MTIF2: variants seen among roughly 807,000 people sequenced by gnomAD.
The protein encoded by MTIF2 is mitochondrial translational initiation factor 2, also known as translation initiation factor IF-2, mitochondrial.
MTIF2 carries 71 observed loss-of-function variants against 83.5 expected under a neutral mutation model. That is an observed-to-expected ratio of 0.85 (90% CI 0.70 to 1.04). The LOEUF (loss-of-function observed/expected upper bound fraction) is 1.04, where lower values mean the gene tolerates loss of function less well. Ranked by LOEUF, MTIF2 falls within the 50% of genes least tolerant of loss-of-function variation. The pLI is 0.00. For missense variants in MTIF2, 957 were observed against 846.5 expected, an observed-to-expected ratio of 1.13 and a Z score of -1.62; for synonymous variants, 319 against 287.1, an observed-to-expected ratio of 1.11 and a Z score of -1.12.
Position 55,243,088 on chromosome 2 carries a change from C to G in MTIF2, c.1565-8G>C. ...CAGAACCATCAACATCACCTAAATA[C>G]AGAAAAAGTTTATAATTGTTGCTTT... On this transcript the variant is annotated splice_polypyrimidine_tract_variant and splice_region_variant and intron_variant, in intron 12 of 15. Transcript: ENST00000263629. The G allele has an allele frequency of 1.3e-6, 2 of 1,581,358 alleles. No homozygotes were observed. The highest frequency in any genetic ancestry group is 1.7e-6 in the Non-Finnish European group (2 of 1,168,834).
At chr2:55,263,321 T>C (rs886420344) in intron 4 of MTIF2, among the ~76,000 whole-genome samples, 3 of 152,260 alleles carry the variant, frequency 2.0e-5, no homozygotes, top group African/African-American at 7.2e-5. Flanking sequence ...CACAAAGCTC[T>C]ATTGCTTGGA....
intron 4 of MTIF2, 104 bp from the exon 5 acceptor site, chr2:55,262,531 CTTTTTTTTTCTTTTTTTTTTT>C: frequency 3.0e-6 from 1 of 327,972 alleles, no homozygotes; most frequent in Non-Finnish European, 5.2e-6. Flanking sequence ...ACATTTCTTT[CTTTTTTTTTCTTTTTTTTTTT>C]TTTTTTTTGA....
chr2:55,238,362 GTACTAATTC>G (rs1418496197), intron 14 of MTIF2, among the ~76,000 whole-genome samples: 1 of 144,782 alleles, frequency 6.9e-6, no homozygotes, highest in Admixed American at 6.9e-5. Context: ...CTACTTAGAA[GTACTAATTC>G]TACTAATTCT....
intron 14 of MTIF2, among the ~76,000 whole-genome samples, chr2:55,238,393 T>TC (rs1676049121): frequency 6.7e-6 from 1 of 149,306 alleles, no homozygotes; most frequent in Non-Finnish European, 1.5e-5. Context: ...AGCCTGGTTT[T>TC]TTTTTTTTTT....
intron 3 of MTIF2, among the ~76,000 whole-genome samples, chr2:55,265,845 A>C (rs567363265): frequency 6.6e-6 from 1 of 152,310 alleles, no homozygotes; most frequent in African/African-American, 2.4e-5. Flanking sequence ...GTGGATCGAA[A>C]ATTTTTTTAA....
chr2:55,255,965 CTCCCAGGT>C lies in MTIF2; in HGVS notation c.332-1148_332-1141del, dbSNP rs1260123501. ...AATCTCGGCTAGCTGCAGCCTCTGC[CTCCCAGGT>C]TCAAACAATTCTTCTGCCTCAGCCC... On this transcript the variant is annotated intron_variant, in intron 5 of 15. Transcript: ENST00000263629. Among the ~76,000 whole-genome samples, 4 of 152,228 alleles carry C rather than the reference CTCCCAGGT, an allele frequency of 2.6e-5. No individual in the cohort carries two copies. The East Asian group carries it at 7.7e-4, about 29-fold the overall frequency.
chr2:55,247,468 A>G (rs1821832), intron 9 of MTIF2, among the ~76,000 whole-genome samples: 127,217 of 152,142 alleles, frequency 0.84, 53,342 homozygotes, highest in Non-Finnish European at 0.85. Context: ...CAGGAAAATC[A>G]CTTGAACCCA....
At chr2:55,252,167 G>A (rs1002851269) in intron 8 of MTIF2, among the ~76,000 whole-genome samples, 6 of 151,912 alleles carry the variant, frequency 3.9e-5, no homozygotes, top group Admixed American at 1.3e-4. Flanking sequence ...TGGATAGATC[G>A]AATTTCATTA....
chr2:55,263,550 C>A lies in MTIF2; in HGVS notation c.219+90G>T. ...GCTTAAACCCAAGAGGCGTAGGTTG[C>A]GGTGAGCTGAGATCGCGCCACGGCA... On this transcript the variant is annotated intron_variant, in intron 4 of 15. Coordinates refer to ENST00000263629, the MANE Select transcript of MTIF2 (RefSeq NM_002453.3). 9.4e-6 allele frequency: 9 copies of A among 961,278 alleles called. No individual in the cohort carries two copies. The South Asian group carries it at 1.5e-4, about 16-fold the overall frequency. The allele number at this position is 961,278 out of a possible 1,614,324, so 59.5% of individuals were successfully genotyped here.
At chr2:55,258,029 C>T (rs560069047) in intron 5 of MTIF2, among the ~76,000 whole-genome samples, 20 of 152,248 alleles carry the variant, frequency 1.3e-4, no homozygotes, top group Non-Finnish European at 2.1e-4. Flanking sequence ...TGGGCTCAAG[C>T]GATATGTTTG....
At chr2:55,261,001 T>C (rs1558579038) in intron 5 of MTIF2, among the ~76,000 whole-genome samples, 1 of 152,102 alleles carries the variant, frequency 6.6e-6, no homozygotes, top group Non-Finnish European at 1.5e-5. Flanking sequence ...TCTTTTTTTT[T>C]TTTAAGATGG....
intron 13 of MTIF2, among the ~76,000 whole-genome samples, chr2:55,240,510 C>T (rs535888808): frequency 6.6e-6 from 1 of 152,110 alleles, no homozygotes; most frequent in East Asian, 1.9e-4. Context: ...ACCCGGGAGG[C>T]GGAGGTTGCA....
intron 7 of MTIF2, 60 bp downstream of exon 7, chr2:55,253,981 T>C: frequency 6.5e-7 from 1 of 1,548,244 alleles, no homozygotes; most frequent in South Asian, 1.2e-5. Flanking sequence ...TACTATGACA[T>C]TTAGTTTAAG....
Position 55,246,416 on chromosome 2 carries a change from C to G in MTIF2, c.1027G>C (p.Glu343Gln). ...GGATCTGCTTTCAATTCTAACATTT[C>G]TGCAAGAGCAACTGTTGCTTCTGCC... ...ALAEATVALA[E>Q]MLELKADPNG... Residue 343 changes from glutamate to glutamine, a missense_variant, in exon 10 of 16, where the codon GAA becomes CAA. Around this residue, in one of 3 missense-constraint regions of MTIF2, gnomAD observed 733 missense variants for 648.7 expected, o/e 1.13. Coordinates refer to ENST00000263629, the MANE Select transcript of MTIF2 (RefSeq NM_002453.3). 7 of 1,613,876 alleles carry G rather than the reference C, an allele frequency of 4.3e-6. No homozygotes were observed. Among genetic ancestry groups the G allele is most frequent in the Non-Finnish European group, 5.1e-6 (6 of 1,179,812 alleles).
chr2:55,265,436 A>G (rs1040566776), intron 3 of MTIF2, among the ~76,000 whole-genome samples: 5 of 151,830 alleles, frequency 3.3e-5, no homozygotes, highest in African/African-American at 1.2e-4. Flanking sequence ...GACACTACCT[A>G]TGATGACTGA....
chr2:55,237,649 C>CTT (rs536036933), intron 14 of MTIF2, among the ~76,000 whole-genome samples: 10,953 of 112,834 alleles, frequency 0.097, 1,054 homozygotes, highest in Admixed American at 0.14. Context: ...TTCTTTTTTT[C>CTT]TTTTTTTTTT....
chr2:55,251,692 C>T (rs186452092), intron 8 of MTIF2, among the ~76,000 whole-genome samples: 30 of 152,294 alleles, frequency 2.0e-4, no homozygotes, highest in African/African-American at 7.0e-4. Context: ...GGCACAATCT[C>T]GGCTCACCAC....
chr2:55,240,019 T>C lies in MTIF2; in HGVS notation c.1862A>G (p.His621Arg). ...ATTCAGTGATCACTCACCTACTGGG[T>C]GCTCTTCCACAGCACAGGGTAATCT... The part of the protein sequence containing the change: ...SSRLPCAVEE[H>R]PVGEASILAT... Residue 621 changes from histidine (H) to arginine (R), a missense_variant, in exon 14 of 16, where the codon CAC becomes CGC. His to Arg is a conservative substitution (Grantham distance 29, BLOSUM62 0). Coordinates refer to ENST00000263629, the MANE Select transcript of MTIF2 (RefSeq NM_002453.3). The C allele has an allele frequency of 6.2e-7, 1 of 1,608,820 alleles. No individual in the cohort carries two copies. The highest frequency in any genetic ancestry group is 2.2e-5 in the East Asian group (1 of 44,802).
intron 4 of MTIF2, 43 bp from the exon 5 acceptor site, chr2:55,262,470 A>G (rs762088994): frequency 1.6e-6 from 2 of 1,243,888 alleles, no homozygotes; most frequent in South Asian, 1.3e-5. Context: ...GGAAGAAAAA[A>G]CTTAAGTGAC....
Sources: allele counts gnomAD v4.1 joint callset (sites outside exome capture counted in the v4.1 genomes callset), GRCh38; gene constraint gnomAD v4.1.1; regional missense constraint gnomAD v4.1.1; transcripts MANE v1.5; gene names NCBI Gene and HGNC (gene_info 2026-07-23, HGNC 2026-07-21).